The following ZNF704 variants were observed in gnomAD, a reference collection of about 807,000 sequenced individuals.
The protein encoded by ZNF704 is glucocorticoid induced gene 1.
Under a neutral mutation model 44.7 loss-of-function variants are expected in ZNF704, and 10 were observed. The observed-to-expected ratio is 0.22, with a 90% CI of 0.14 to 0.38. ZNF704 has a LOEUF of 0.38. Ranked by LOEUF, ZNF704 falls within the 10% of genes least tolerant of loss-of-function variation. ZNF704 has a pLI of 1.00. For synonymous variants in ZNF704, 211 were observed against 207.6 expected (o/e 1.02, Z -0.14); for missense variants, 390 against 545.5 (o/e 0.71, Z 2.84).
chr8:80,783,974 T>A (rs1027951593), intron 2 of ZNF704, among the ~76,000 whole-genome samples: 1 of 152,196 alleles, frequency 6.6e-6, no homozygotes, highest in African/African-American at 2.4e-5. Flanking sequence ...GTTGGAATCA[T>A]ACAGTATGTA....
At chr8:80,818,001 A>C (rs1321374985) in intron 2 of ZNF704, among the ~76,000 whole-genome samples, 2 of 152,196 alleles carry the variant, frequency 1.3e-5, no homozygotes, top group Non-Finnish European at 2.9e-5. Flanking sequence ...GCAGGTACTC[A>C]AGAAAAACCT....
intron 1 of ZNF704, among the ~76,000 whole-genome samples, chr8:80,841,238 G>A (rs1267053272): frequency 6.6e-6 from 1 of 152,144 alleles, no homozygotes; most frequent in Non-Finnish European, 1.5e-5. Flanking sequence ...CGCATCATAT[G>A]GATGCACAGT....
chr8:80,671,543 G>A (rs1221689012), intron 4 of ZNF704, among the ~76,000 whole-genome samples: 1 of 152,214 alleles, frequency 6.6e-6, no homozygotes, highest in Non-Finnish European at 1.5e-5. Flanking sequence ...TCAACCAACA[G>A]CAGCTATTAC....
chr8:80,747,712 G>GT (rs1374959438), intron 2 of ZNF704, among the ~76,000 whole-genome samples: 1 of 152,092 alleles, frequency 6.6e-6, no homozygotes, highest in African/African-American at 2.4e-5. Flanking sequence ...TGAAAAAATG[G>GT]TTTTTTTGTT....
At chr8:80,828,749 T>C (rs1808420943) in intron 1 of ZNF704, among the ~76,000 whole-genome samples, 1 of 152,134 alleles carries the variant, frequency 6.6e-6, no homozygotes, top group Non-Finnish European at 1.5e-5. Flanking sequence ...CAGAGACTGG[T>C]AAAGGAAGGT....
At chr8:80,665,326 G>A (rs956088510) in intron 5 of ZNF704, among the ~76,000 whole-genome samples, 7 of 152,080 alleles carry the variant, frequency 4.6e-5, no homozygotes, top group Admixed American at 4.6e-4. Context: ...GATTTATTGA[G>A]AATCTAATAT....
chr8:80,779,367 G>A (rs1807472553), intron 2 of ZNF704, among the ~76,000 whole-genome samples: 3 of 152,176 alleles, frequency 2.0e-5, no homozygotes, highest in African/African-American at 4.8e-5. Context: ...TCAGCCTCCC[G>A]AGTAGCTGGG....
At chr8:80,658,168 G>T (rs564803961) in intron 7 of ZNF704, among the ~76,000 whole-genome samples, 1 of 152,090 alleles carries the variant, frequency 6.6e-6, no homozygotes, top group Admixed American at 6.5e-5. Context: ...GTTTGAACTG[G>T]GCTGTTCCAT....
chr8:80,669,393 T>C (rs975814976), intron 5 of ZNF704, among the ~76,000 whole-genome samples: 24 of 152,184 alleles, frequency 1.6e-4, no homozygotes, highest in Admixed American at 1.0e-3. Context: ...AGGTAGACTC[T>C]GGCCAGGGAA....
chr8:80,855,025 A>C (rs1808935428), intron 1 of ZNF704, among the ~76,000 whole-genome samples: 1 of 152,188 alleles, frequency 6.6e-6, no homozygotes, highest in African/African-American at 2.4e-5. Context: ...CAAACAATCC[A>C]TACAGTCTTT....
At chr8:80,769,889 A>T (rs1807290516) in intron 2 of ZNF704, among the ~76,000 whole-genome samples, 1 of 152,174 alleles carries the variant, frequency 6.6e-6, no homozygotes, top group African/African-American at 2.4e-5. Flanking sequence ...CTGCTAAGAC[A>T]TACCTAAGAC....
chr8:80,657,776 T>C (rs898157584), intron 7 of ZNF704, among the ~76,000 whole-genome samples: 3 of 152,036 alleles, frequency 2.0e-5, no homozygotes, highest in African/African-American at 4.8e-5. Flanking sequence ...ATATCATATA[T>C]ACGGAATGTT....
chr8:80,822,844 T>C (rs1808301963), intron 1 of ZNF704, among the ~76,000 whole-genome samples: 1 of 152,222 alleles, frequency 6.6e-6, no homozygotes, highest in African/African-American at 2.4e-5. Flanking sequence ...ACAAATGTCT[T>C]CTTTTGAGAA....
chr8:80,765,920 T>C (rs1380427871), intron 2 of ZNF704, among the ~76,000 whole-genome samples: 2 of 152,148 alleles, frequency 1.3e-5, no homozygotes, highest in African/African-American at 4.8e-5. Context: ...AGTGCAACTA[T>C]GGCCACATCT....
intron 2 of ZNF704, among the ~76,000 whole-genome samples, chr8:80,807,384 A>C (rs1217028402): frequency 6.6e-6 from 1 of 152,146 alleles, no homozygotes; most frequent in African/African-American, 2.4e-5. Context: ...ATGGCTAAGA[A>C]GCCATTTCAT....
intron 1 of ZNF704, among the ~76,000 whole-genome samples, chr8:80,836,578 A>G (rs1586064148): frequency 2.0e-5 from 3 of 151,970 alleles, no homozygotes; most frequent in Admixed American, 2.0e-4. Context: ...AAGAGTCAAG[A>G]CCAGCCTGGG....
Position 80,874,428 on chromosome 8 carries a change from G to A in ZNF704, c.-22+143C>T, listed in dbSNP as rs1216872117. The A allele has an allele frequency of 6.7e-6, 1 of 150,002 alleles. No individual in the cohort carries two copies. The highest frequency in any genetic ancestry group is 2.4e-5 in the African/African-American group (1 of 41,168). 9.3% of individuals were successfully genotyped at this position (150,002 alleles called of 1,614,324 possible). On this transcript the variant is annotated intron_variant, in intron 1 of 8. Transcript: ENST00000327835. This position sits in a 1 kb window ranked among gnomAD's most constrained non-coding sequence, Gnocchi z 4.4. ...CCGGCCGGCTGCGCCCGCGCGCTCC[G>A]GGCCTACCGCTGCCGTGCCTCGGCG...
intron 1 of ZNF704, among the ~76,000 whole-genome samples, chr8:80,865,869 C>G (rs1809146827): frequency 6.6e-6 from 1 of 152,114 alleles, no homozygotes; most frequent in Admixed American, 6.5e-5. Context: ...CAAGGAGAGT[C>G]TGAACATTAC....
At chr8:80,878,759 T>A (rs890370008), upstream of ZNF704, among the ~76,000 whole-genome samples, 2 of 152,232 alleles carry the variant, frequency 1.3e-5, no homozygotes, top group African/African-American at 4.8e-5. Context: ...AGCAATTAAC[T>A]TAAACTCTCT....
Sources: allele counts gnomAD v4.1 joint callset (sites outside exome capture counted in the v4.1 genomes callset), GRCh38; gene constraint gnomAD v4.1.1; non-coding constraint Gnocchi (gnomAD v3.1); transcripts MANE v1.5; gene names NCBI Gene and HGNC (gene_info 2026-07-23, HGNC 2026-07-21).